The following POLR3GL variants were observed in gnomAD, a reference collection of about 807,000 sequenced individuals.
The protein encoded by POLR3GL is DNA-directed RNA polymerase III subunit RPC7-like.
In POLR3GL, 26 loss-of-function variants were observed where a neutral mutation model predicts 32.4. The observed-to-expected ratio is 0.80, with a 90% confidence interval of 0.59 to 1.11. The LOEUF (loss-of-function observed/expected upper bound fraction) is 1.11, where lower values mean the gene tolerates loss of function less well. Among genes scored for constraint, POLR3GL ranks in the 50% most tolerant of loss-of-function variants. The pLI, the probability that POLR3GL is intolerant of heterozygous loss-of-function variation, is 0.00. For missense variants in POLR3GL, 229 were observed against 280.1 expected (o/e 0.82, Z 1.30); for synonymous variants, 95 against 98.7 (o/e 0.96, Z 0.22).
intron 1 of POLR3GL, among the ~76,000 whole-genome samples, chr1:145,970,018 T>C (rs1553762414): frequency 6.6e-6 from 1 of 152,036 alleles, no homozygotes; most frequent in East Asian, 1.9e-4. Context: ...TTGGTACATA[T>C]CCTTCTATAA....
At chr1:145,978,325 C>T in intron 7 of POLR3GL, 36 bp from the exon 8 acceptor site, 2 of 1,476,422 alleles carry the variant, frequency 1.4e-6, no homozygotes, top group Non-Finnish European at 1.9e-6. Flanking sequence ...AAGGTGAATG[C>T]CAAATTGACT....
rs782496131 is a variant in POLR3GL, at chr1:145,973,860, A to G, written c.-41-965A>G. ...ATTCTATGCTTCCAAGTGGTGTTTAAAAAGATCAATTTGGCCTCTCGCGGT... is the reference window on the plus strand; with the variant it reads ...ATTCTATGCTTCCAAGTGGTGTTTAGAAAGATCAATTTGGCCTCTCGCGGT... On this transcript the variant is annotated intron_variant, in intron 1 of 7. Transcript: ENST00000369314. Among the ~76,000 whole-genome samples the G allele has an allele frequency of 2.2e-4, 33 of 151,924 alleles. 1 individual carries two copies. The highest frequency in any genetic ancestry group is 4.6e-4 in the Admixed American group (7 of 15,262).
At chr1:145,970,554 G>A (rs1469151172) in intron 1 of POLR3GL, among the ~76,000 whole-genome samples, 2 of 151,936 alleles carry the variant, frequency 1.3e-5, no homozygotes, top group Admixed American at 6.6e-5. Flanking sequence ...GTTCCCATTT[G>A]TCCCAGTGCA....
intron 1 of POLR3GL, among the ~76,000 whole-genome samples, chr1:145,965,998 C>T (rs1321200050): frequency 1.3e-5 from 2 of 151,562 alleles, no homozygotes; most frequent in Admixed American, 6.6e-5. Flanking sequence ...TGCCTGTAAT[C>T]CCAGCTACTG....
intron 1 of POLR3GL, among the ~76,000 whole-genome samples, chr1:145,973,547 A>G (rs1426276096): frequency 6.6e-6 from 1 of 152,062 alleles, no homozygotes; most frequent in East Asian, 1.9e-4. Flanking sequence ...TCCTGTCTCT[A>G]CAAAAAATAC....
intron 1 of POLR3GL, among the ~76,000 whole-genome samples, chr1:145,971,356 T>C (rs1650281941): frequency 6.6e-6 from 1 of 152,138 alleles, no homozygotes; most frequent in South Asian, 2.1e-4. Context: ...TATATTTAGT[T>C]GTCACGTCTC....
At chr1:145,968,851 A>T (rs1186504821) in intron 1 of POLR3GL, among the ~76,000 whole-genome samples, 1 of 152,060 alleles carries the variant, frequency 6.6e-6, no homozygotes, top group Non-Finnish European at 1.5e-5. Context: ...GATTACAAGC[A>T]TGAGCCACCA....
In POLR3GL at chr1:145,977,853, T is replaced by C; in HGVS notation, c.456+2T>C. The C allele has an allele frequency of 1.9e-6, 3 of 1,613,662 alleles. No homozygotes were observed. The highest frequency in any genetic ancestry group is 2.5e-6 in the Non-Finnish European group (3 of 1,179,730). On this transcript the variant is annotated splice_donor_variant, in intron 6 of 7. Coordinates refer to ENST00000369314, the MANE Select transcript of POLR3GL (RefSeq NM_032305.3). LOFTEE classifies it high-confidence loss of function. The stretch of plus-strand genomic sequence containing the variant: ...GAGGAAACAATACAGAAACTAGAGG[T>C]GAGGAGGAAGTGTGCATAGAGACCT...
rs1553763902 is a variant in POLR3GL, at chr1:145,978,486, A to C, written c.*39A>C. On this transcript the variant is annotated 3_prime_UTR_variant, in exon 8 of 8. Transcript: ENST00000369314. Reference sequence around the variant, plus strand: ...ACCCTCGTGTCTTTCTTTAGGATACAGAGAGTAACTGTACCTATTATTTGT... The same window carrying C: ...ACCCTCGTGTCTTTCTTTAGGATACCGAGAGTAACTGTACCTATTATTTGT... 1.6e-6 allele frequency: 2 copies of C among 1,234,690 alleles called. No homozygotes were observed. Among genetic ancestry groups the C allele is most frequent in the Admixed American group, 3.6e-5 (2 of 56,060 alleles). 76.5% of individuals were successfully genotyped at this position (1,234,690 alleles called of 1,614,324 possible). A position where few individuals can be genotyped will look rare whatever the true frequency, so the allele number is the denominator to read the frequency against.
chr1:145,977,001 C>A, intron 3 of POLR3GL, 83 bp from the exon 4 acceptor site: 1 of 1,116,902 alleles, frequency 9.0e-7, no homozygotes, highest in Admixed American at 1.7e-5. Flanking sequence ...GATAATTCCT[C>A]AGTATTGAGA....
intron 1 of POLR3GL, among the ~76,000 whole-genome samples, chr1:145,973,310 A>G (rs1650407985): frequency 6.6e-6 from 1 of 152,110 alleles, no homozygotes; most frequent in African/African-American, 2.4e-5. Context: ...AATTCGGTAG[A>G]AGGAGAAACT....
intron 1 of POLR3GL, among the ~76,000 whole-genome samples, chr1:145,970,231 T>C (rs923633170): frequency 2.0e-5 from 3 of 152,156 alleles, no homozygotes; most frequent in Non-Finnish European, 2.9e-5. Flanking sequence ...TGAATCCTCT[T>C]ATCTCCCGGG....
At chr1:145,977,365 T>C in intron 4 of POLR3GL, 118 bp from the exon 5 acceptor site, 1 of 1,036,974 alleles carries the variant, frequency 9.6e-7, no homozygotes, top group African/African-American at 1.6e-5. Flanking sequence ...CTGAACAACT[T>C]TGGCCCAGCC....
rs1317448712 is a variant in POLR3GL, at chr1:145,978,654, G to C, written c.*207G>C. On this transcript the variant is annotated 3_prime_UTR_variant, in exon 8 of 8. Transcript: ENST00000369314. ...TCACCTTTGCTATCTTGGGGAAAGT[G>C]CAAAGGACAAACATCTCAATTGTAT... is the stretch of plus-strand genomic sequence containing the variant. The C allele has an allele frequency of 1.8e-6, 1 of 571,384 alleles. No homozygotes were observed. Among genetic ancestry groups the C allele is most frequent in the Non-Finnish European group, 3.1e-6 (1 of 319,938 alleles). 35.4% of individuals were successfully genotyped at this position (571,384 alleles called of 1,614,324 possible). A position where few individuals can be genotyped will look rare whatever the true frequency, so the allele number is the denominator to read the frequency against.
At chr1:145,966,747 C>CCATT (rs1318176982) in intron 1 of POLR3GL, among the ~76,000 whole-genome samples, 3 of 151,756 alleles carry the variant, frequency 2.0e-5, no homozygotes, top group African/African-American at 7.3e-5. Context: ...TGAGATTGCG[C>CCATT]CATTGCACTC....
At chr1:145,967,219 A>T (rs1230843966) in intron 1 of POLR3GL, among the ~76,000 whole-genome samples, 1 of 151,616 alleles carries the variant, frequency 6.6e-6, no homozygotes, top group Non-Finnish European at 1.5e-5. Flanking sequence ...CTGTTGCCCA[A>T]GCTGGAGTGC....
At chr1:145,971,989 A>AAAAAAATATATATATAT (rs1650334594) in intron 1 of POLR3GL, among the ~76,000 whole-genome samples, 1 of 66,966 alleles carries the variant, frequency 1.5e-5, no homozygotes, top group Non-Finnish European at 2.5e-5. Flanking sequence ...AAAAAAAAAA[A>AAAAAAATATATATATAT]ATATATATAT....
intron 1 of POLR3GL, among the ~76,000 whole-genome samples, chr1:145,970,333 A>C (rs1381022276): frequency 2.6e-5 from 4 of 151,940 alleles, no homozygotes; most frequent in Admixed American, 2.6e-4. Flanking sequence ...TTTTGTAGAG[A>C]TGGAATCTCA....
At chr1:145,970,716 A>G (rs1650237929) in intron 1 of POLR3GL, among the ~76,000 whole-genome samples, 1 of 151,328 alleles carries the variant, frequency 6.6e-6, no homozygotes, top group African/African-American at 2.4e-5. Context: ...TACTAAAAAT[A>G]CAAAAACAAA....
Sources: allele counts gnomAD v4.1 joint callset (sites outside exome capture counted in the v4.1 genomes callset), GRCh38; gene constraint gnomAD v4.1.1; transcripts MANE v1.5; gene names NCBI Gene and HGNC (gene_info 2026-07-23, HGNC 2026-07-21).